The following IL1RAPL2 variants were observed in gnomAD, a reference collection of about 807,000 sequenced individuals.
IL1RAPL2 encodes X-linked interleukin-1 receptor accessory protein-like 2.
Under a neutral mutation model 44.1 loss-of-function variants are expected in IL1RAPL2, and 3 were observed. The observed-to-expected ratio is 0.07, with a 90% confidence interval of 0.03 to 0.18. The LOEUF (loss-of-function observed/expected upper bound fraction) is 0.18, where lower values mean the gene tolerates loss of function less well. IL1RAPL2 is among the 10% of genes least tolerant of loss of function. The probability of loss-of-function intolerance (pLI) is 1.00; values close to 1 mark genes in which losing one functional copy is unlikely to be tolerated. For synonymous variants in IL1RAPL2, 181 were observed against 178.8 expected, an observed-to-expected ratio of 1.01 and a Z score of -0.10; for missense variants, 391 against 496.4, an observed-to-expected ratio of 0.79 and a Z score of 2.02.
At chrX:105,389,419 C>T (rs2035505016) in intron 5 of IL1RAPL2, among the ~76,000 whole-genome samples, 2 of 111,830 alleles carry the variant, frequency 1.8e-5, no homozygotes, top group South Asian at 3.7e-4. Context: ...TCTTAATTAC[C>T]GAACGCTACT....
rs755290580 is a variant in IL1RAPL2, at chrX:105,010,049, TGAAATGA to T, written c.83-185425_83-185419del. Among the ~76,000 whole-genome samples, 531 of 111,692 alleles carry T rather than the reference TGAAATGA, an allele frequency of 4.8e-3. 3 individuals are homozygous for T. The highest frequency in any genetic ancestry group is 0.017 in the African/African-American group (510 of 30,787). On this transcript the variant is annotated intron_variant, in intron 2 of 10. Transcript: ENST00000372582. Reference sequence around the variant, plus strand: ...TCTGTAAGGGTTTTGTATTATCTTGTGAAATGATTTTTGTCATCTTTTATGTAGAGTT... The same window carrying T: ...TCTGTAAGGGTTTTGTATTATCTTGTTTTTTGTCATCTTTTATGTAGAGTT...
intron 5 of IL1RAPL2, among the ~76,000 whole-genome samples, chrX:105,291,394 T>C (rs1473671260): frequency 8.9e-6 from 1 of 111,793 alleles, no homozygotes; most frequent in African/African-American, 3.2e-5. Flanking sequence ...TTTTAAGCAA[T>C]CATAATGGAT....
At chrX:105,218,933 C>T (rs782076034) in intron 3 of IL1RAPL2, 20 of 1,056,252 alleles carry the variant, frequency 1.9e-5, no homozygotes, top group Non-Finnish European at 2.4e-5. Context: ...TCGAGATATA[C>T]ATGCTTCGGT....
intron 5 of IL1RAPL2, among the ~76,000 whole-genome samples, chrX:105,464,578 A>G (rs112952499): frequency 0.046 from 5,167 of 111,864 alleles, 296 homozygotes; most frequent in African/African-American, 0.16. Flanking sequence ...CTATACATAC[A>G]TTTAAGAAAC....
chrX:104,621,146 A>T (rs1929389690), intron 1 of IL1RAPL2, among the ~76,000 whole-genome samples: 1 of 105,731 alleles, frequency 9.5e-6, no homozygotes, highest in South Asian at 4.0e-4. Context: ...TATACCTCTC[A>T]TACATTATAT....
chrX:105,407,743 G>A (rs1002090199), intron 5 of IL1RAPL2, among the ~76,000 whole-genome samples: 15 of 111,765 alleles, frequency 1.3e-4, no homozygotes, highest in African/African-American at 4.9e-4. Flanking sequence ...CATTCCAAAG[G>A]TACAGTGGAA....
intron 5 of IL1RAPL2, among the ~76,000 whole-genome samples, chrX:105,396,167 AT>A (rs749105600): frequency 9.0e-6 from 1 of 110,675 alleles, no homozygotes; most frequent in Admixed American, 9.6e-5. Context: ...GAAAAGATAA[AT>A]TTGTGAGGTA....
At chrX:105,124,000 C>T (rs191617913) in intron 2 of IL1RAPL2, among the ~76,000 whole-genome samples, 1 of 110,628 alleles carries the variant, frequency 9.0e-6, no homozygotes, top group Admixed American at 9.6e-5. Context: ...AAATTCTCAT[C>T]AACTTCATTC....
intron 2 of IL1RAPL2, among the ~76,000 whole-genome samples, chrX:104,665,704 A>G (rs1204249804): frequency 2.7e-5 from 3 of 111,386 alleles, no homozygotes; most frequent in Non-Finnish European, 5.7e-5. Context: ...GTAACTTCTA[A>G]TTCTTGACAC....
At chrX:105,634,434 A>C (rs982161120) in intron 6 of IL1RAPL2, among the ~76,000 whole-genome samples, 1 of 111,391 alleles carries the variant, frequency 9.0e-6, no homozygotes, top group African/African-American at 3.3e-5. Context: ...TTCTTACACT[A>C]ATCACTACTG....
intron 4 of IL1RAPL2, among the ~76,000 whole-genome samples, chrX:105,235,155 A>G (rs372241851): frequency 7.8e-4 from 87 of 112,207 alleles, no homozygotes; most frequent in African/African-American, 2.8e-3. Flanking sequence ...GATAGAATCA[A>G]TAGTGTTCTG....
intron 6 of IL1RAPL2, among the ~76,000 whole-genome samples, chrX:105,624,152 T>C (rs370069813): frequency 4.5e-5 from 5 of 111,295 alleles, no homozygotes; most frequent in African/African-American, 1.6e-4. Flanking sequence ...AAGAAGGCCA[T>C]TGTGGCTGAG....
chrX:104,861,246 A>C (rs926964386), intron 2 of IL1RAPL2, among the ~76,000 whole-genome samples: 4 of 111,646 alleles, frequency 3.6e-5, no homozygotes, highest in Non-Finnish European at 7.6e-5. Flanking sequence ...GTGACCCTTT[A>C]AAAAGTCTAC....
chrX:104,746,361 C>T (rs1287603792), intron 2 of IL1RAPL2, among the ~76,000 whole-genome samples: 3 of 111,581 alleles, frequency 2.7e-5, no homozygotes, highest in Admixed American at 9.5e-5. Flanking sequence ...ACTGGTGTAA[C>T]TTTTGGCTAC....
chrX:105,390,082 G>GT (rs1436830387), intron 5 of IL1RAPL2, among the ~76,000 whole-genome samples: 7 of 111,488 alleles, frequency 6.3e-5, no homozygotes, highest in Non-Finnish European at 5.7e-5. Flanking sequence ...TCAAAACAAG[G>GT]TTTTTCATTA....
chrX:105,558,491 C>T (rs1340476538), intron 6 of IL1RAPL2, among the ~76,000 whole-genome samples: 1 of 111,728 alleles, frequency 9.0e-6, no homozygotes. Flanking sequence ...TTAGTCCACT[C>T]TCATCTTTTA....
At chrX:105,661,347 G>A (rs1306509847) in intron 6 of IL1RAPL2, among the ~76,000 whole-genome samples, 3 of 111,836 alleles carry the variant, frequency 2.7e-5, no homozygotes, top group Admixed American at 1.9e-4. Context: ...ACACATCACT[G>A]TCAGCCTTGG....
At chrX:105,258,402 T>C (rs916188864) in intron 4 of IL1RAPL2, among the ~76,000 whole-genome samples, 4 of 111,850 alleles carry the variant, frequency 3.6e-5, no homozygotes, top group African/African-American at 1.3e-4. Flanking sequence ...CTGACAATTA[T>C]GTATCTTGGG....
In IL1RAPL2 at chrX:105,645,262, C is replaced by G. The variant is rs1435595090; in HGVS notation, c.773-72105C>G. Among the ~76,000 whole-genome samples, 3 of 111,261 alleles carry G rather than the reference C, an allele frequency of 2.7e-5. No individual in the cohort carries two copies. The Admixed American group carries it at 2.9e-4, about 11-fold the overall frequency. ...TTGTGTAGTTCAAGGCTGCCATATC[C>G]CTAGGAAGCTTTGTCCAATGGGCCC... On this transcript the variant is annotated intron_variant, in intron 6 of 10. Coordinates refer to ENST00000372582, the MANE Select transcript of IL1RAPL2 (RefSeq NM_017416.2).
Sources: gnomAD v4.1 joint callset for allele counts (sites outside exome capture counted in the v4.1 genomes callset) on GRCh38, gnomAD v4.1.1 for gene constraint, MANE v1.5 for transcripts, NCBI Gene and HGNC (gene_info 2026-07-23, HGNC 2026-07-21) for gene names.